Variants in BRD1 observed in about 807,000 individuals in gnomAD.
BRD1 encodes bromodomain-containing protein 1.
In BRD1, 24 loss-of-function variants were observed where a neutral mutation model predicts 107.7. That is an observed-to-expected ratio of 0.22 (90% confidence interval 0.16 to 0.31). The LOEUF is 0.31. Ranked by LOEUF, BRD1 falls within the 10% of genes least tolerant of loss-of-function variation. The pLI is 1.00. For synonymous variants in BRD1, 744 were observed against 686.1 expected (o/e 1.08, Z -1.32); for missense variants, 1,279 against 1,638.6 (o/e 0.78, Z 3.79).
rs1359822350 is a variant in BRD1 at position 49,799,095 on chromosome 22, C to G, written c.1549G>C (p.Ala517Pro). 1.2e-6 allele frequency: 2 copies of G among 1,608,932 alleles called. No individual in the cohort carries two copies. The highest frequency in any genetic ancestry group is 1.3e-5 in the African/African-American group (1 of 74,946). Residue 517 changes from alanine to proline, a missense_variant, in exon 4 of 13, where the codon GCT becomes CCT. By Grantham distance (27) the Ala-to-Pro change is conservative. This residue lies in a region of BRD1 where 406 missense variants were observed against 519.4 expected (regional missense o/e 0.78). Coordinates refer to ENST00000404760, the MANE Select transcript of BRD1 (RefSeq NM_001304808.3). ...CAGTACTTCAGCTTCTCTTTGGCAG[C>G]CTTCATCTCCTCATCATTTTCTCTC... ...QQRENDEEMK[A>P]AKEKLKYWQR...
chr22:49,813,885 G>A (rs950285981), intron 2 of BRD1, among the ~76,000 whole-genome samples: 3 of 152,010 alleles, frequency 2.0e-5, no homozygotes, highest in South Asian at 2.1e-4. Flanking sequence ...GCAGCTTTAC[G>A]GCTGCAGAGT....
rs2059690289 is a variant in BRD1, at chr22:49,803,930, CGT to C, written c.1524+272_1524+273del. On this transcript the variant is annotated intron_variant, in intron 3 of 12. Transcript: ENST00000404760. This position sits in a 1 kb window ranked among gnomAD's most constrained non-coding sequence, Gnocchi z 4.4. ...CCCAGAGCTGGCCACTGCCCATCAG[CGT>C]GTGTGCGGGCAGGGCAGGGCGGGGG... Among the ~76,000 whole-genome samples the C allele has an allele frequency of 6.6e-6, 1 of 152,226 alleles. No homozygotes were observed. The highest frequency in any genetic ancestry group is 6.5e-5 in the Admixed American group (1 of 15,286).
At position 49,773,608 on chromosome 22, in the gene BRD1, T is replaced by A. The variant is rs2059027824; in HGVS notation, c.*625A>T. 6.5e-6 allele frequency: 1 copy of A among 152,674 alleles called. No individual in the cohort carries two copies. The highest frequency in any genetic ancestry group is 2.4e-5 in the African/African-American group (1 of 41,472). 9.5% of individuals were successfully genotyped at this position (152,674 alleles called of 1,614,324 possible). ...TTATGTGCCTGTATAAAAATGCATATCAATATACCTTTGCAAATGTATTTT... is the reference window on the plus strand; with the variant it reads ...TTATGTGCCTGTATAAAAATGCATAACAATATACCTTTGCAAATGTATTTT... On this transcript the variant is annotated 3_prime_UTR_variant, in exon 13 of 13. Transcript: ENST00000404760.
At position 49,818,802 on chromosome 22, in the gene BRD1, C is replaced by T. The variant is rs998695779; in HGVS notation, c.1367+4149G>A. On this transcript the variant is annotated intron_variant, in intron 2 of 12. Transcript: ENST00000404760. ...TCAGGAGGCTGAGGCAGGAGAATGG[C>T]GTGAACCCGGGAGGTGGAGCTTGTA... is the stretch of plus-strand genomic sequence containing the variant. Among the ~76,000 whole-genome samples the T allele has an allele frequency of 8.5e-5, 13 of 152,068 alleles. 1 individual carries two copies. The highest frequency in any genetic ancestry group is 3.4e-3 in the Middle Eastern group (1 of 294).
In BRD1 at chr22:49,824,572, C is replaced by G; in HGVS notation, c.-14-241G>C. The G allele has an allele frequency of 7.5e-7, 1 of 1,341,914 alleles. No individual in the cohort carries two copies. The highest frequency in any genetic ancestry group is 9.6e-7 in the Non-Finnish European group (1 of 1,043,170). The allele number at this position is 1,341,914 out of a possible 1,614,324, so 83.1% of individuals were successfully genotyped here. A position where few individuals can be genotyped will look rare whatever the true frequency, so the allele number is the denominator to read the frequency against. On this transcript the variant is annotated intron_variant, in intron 1 of 12. Coordinates refer to ENST00000404760, the MANE Select transcript of BRD1 (RefSeq NM_001304808.3). The surrounding 1 kb of genome is among the most constrained non-coding windows in gnomAD (Gnocchi z 5.9). Reference sequence around the variant, plus strand: ...GCAGCCTGAGGAGCCCTCCTGAGCACCTGCGTCCCTACCACCACACACCAG... The same window carrying G: ...GCAGCCTGAGGAGCCCTCCTGAGCAGCTGCGTCCCTACCACCACACACCAG...
chr22:49,817,558 G>A (rs1169906522), intron 2 of BRD1: 1 of 181,266 alleles, frequency 5.5e-6, no homozygotes, highest in Admixed American at 5.3e-5. Context: ...CGGCCCAGGG[G>A]CCCTAGACTG....
At chr22:49,826,335 G>A (rs1001599618) in intron 1 of BRD1, 88 of 873,070 alleles carry the variant, frequency 1.0e-4, no homozygotes, top group African/African-American at 1.8e-5. Flanking sequence ...CCCTCAACAT[G>A]CAACTGGGAC....
chr22:49,773,330 C>T lies in BRD1; in HGVS notation c.*903G>A, dbSNP rs1295662003. On this transcript the variant is annotated 3_prime_UTR_variant, in exon 13 of 13. Transcript: ENST00000404760. ...AATATAAAAAATGCAAATTTGGAAACCCACCCTACTTTCCCCAACATAATG... is the reference window on the plus strand; with the variant it reads ...AATATAAAAAATGCAAATTTGGAAATCCACCCTACTTTCCCCAACATAATG... The T allele has an allele frequency of 6.6e-6, 1 of 152,130 alleles. No individual in the cohort carries two copies. Among genetic ancestry groups the T allele is most frequent in the East Asian group, 1.9e-4 (1 of 5,194 alleles). 9.4% of individuals were successfully genotyped at this position (152,130 alleles called of 1,614,324 possible). A position where few individuals can be genotyped will look rare whatever the true frequency, so the allele number is the denominator to read the frequency against.
At position 49,823,511 on chromosome 22, in the gene BRD1, G is replaced by A. The variant is rs746196842; in HGVS notation, c.807C>T (p.Ala269=). The A allele has an allele frequency of 1.9e-5, 30 of 1,602,586 alleles. No individual in the cohort carries two copies. Among genetic ancestry groups the A allele is most frequent in the East Asian group, 1.3e-4 (6 of 44,712 alleles). Residue 269 remains alanine, a synonymous_variant, in exon 2 of 13, where the codon GCC becomes GCT. Coordinates refer to ENST00000404760, the MANE Select transcript of BRD1 (RefSeq NM_001304808.3). Reference sequence around the variant, plus strand: ...CCTTGTTGGGGCACAGCACACAGTCGGCGGGCCGGGCCCGCGACTGCAGGC... The same window carrying A: ...CCTTGTTGGGGCACAGCACACAGTCAGCGGGCCGGGCCCGCGACTGCAGGC... ...RHCLQSRARP[A]DCVLCPNKGG...
At chr22:49,776,950 C>T in intron 10 of BRD1, 84 bp downstream of exon 10, 14 of 1,570,992 alleles carry the variant, frequency 8.9e-6, no homozygotes, top group Non-Finnish European at 1.2e-5. Context: ...GCTCCCTGAG[C>T]CGGAGTCCAG....
rs1044546572 is a variant in BRD1, at chr22:49,792,323, G to C, written c.2359+1711C>G. On this transcript the variant is annotated intron_variant, in intron 7 of 12. Coordinates refer to ENST00000404760, the MANE Select transcript of BRD1 (RefSeq NM_001304808.3). This position sits in a 1 kb window ranked among gnomAD's most constrained non-coding sequence, Gnocchi z 4.2. ...ACAGCTCAGTCCTCAGGGCACAGAAGACAAGGACAGAAGGGCAGTCCACCT... is the reference window on the plus strand; with the variant it reads ...ACAGCTCAGTCCTCAGGGCACAGAACACAAGGACAGAAGGGCAGTCCACCT... Among the ~76,000 whole-genome samples the C allele has an allele frequency of 2.6e-5, 4 of 152,374 alleles. No individual in the cohort carries two copies. Among genetic ancestry groups the C allele is most frequent in the Non-Finnish European group, 5.9e-5 (4 of 68,034 alleles).
Position 49,793,070 on chromosome 22 carries a change from G to A in BRD1, c.2359+964C>T, listed in dbSNP as rs565625189. On this transcript the variant is annotated intron_variant, in intron 7 of 12. Transcript: ENST00000404760. ...ACTTGGATGTGCAGGGGAAGGGCAAGAAGGCTGAGAACCAGCTGCCAATGT... is the reference window on the plus strand; with the variant it reads ...ACTTGGATGTGCAGGGGAAGGGCAAAAAGGCTGAGAACCAGCTGCCAATGT... Among the ~76,000 whole-genome samples the A allele has an allele frequency of 9.2e-5, 14 of 152,366 alleles. No individual in the cohort carries two copies. In the South Asian group the frequency reaches 2.7e-3, roughly 29 times the overall value.
At chr22:49,776,272 C>T in intron 10 of BRD1, 113 bp from the exon 11 acceptor site, 1 of 902,740 alleles carries the variant, frequency 1.1e-6, no homozygotes. Context: ...GCCCAGCTCC[C>T]AGGCCTTTCT....
In BRD1 at chr22:49,803,967, C is replaced by T. The variant is rs191380729; in HGVS notation, c.1524+237G>A. Among the ~76,000 whole-genome samples the T allele has an allele frequency of 4.4e-4, 67 of 152,352 alleles. No individual in the cohort carries two copies. In the East Asian group the frequency reaches 0.012, roughly 28 times the overall value. On this transcript the variant is annotated intron_variant, in intron 3 of 12. Transcript: ENST00000404760. This position sits in a 1 kb window ranked among gnomAD's most constrained non-coding sequence, Gnocchi z 4.4. ...CAGGGCAGGGCGGGGGAGCGCAACT[C>T]AAAACGGAAGAAACACCCAGTGACA... is the stretch of plus-strand genomic sequence containing the variant.
chr22:49,825,472 G>A (rs1047698496), intron 1 of BRD1, among the ~76,000 whole-genome samples: 2 of 152,164 alleles, frequency 1.3e-5, no homozygotes, highest in Admixed American at 6.5e-5. Context: ...CCAACACCAC[G>A]GACTGCGTCT....
chr22:49,802,009 AT>A (rs1321732720), intron 3 of BRD1, among the ~76,000 whole-genome samples: 1 of 152,192 alleles, frequency 6.6e-6, no homozygotes, highest in Non-Finnish European at 1.5e-5. Flanking sequence ...TTTCCATGGA[AT>A]CTGCCCTTCA....
chr22:49,797,967 T>C lies in BRD1; in HGVS notation c.1936A>G (p.Thr646Ala). Residue 646 changes from threonine to alanine, a missense_variant, in exon 6 of 13, where the codon ACC becomes GCC. Thr to Ala is a moderately conservative substitution (Grantham distance 58, BLOSUM62 0). Transcript: ENST00000404760. Reference sequence around the variant, plus strand: ...CTCACCGCGGCTCTATAGAACACGGTGTCCCTGGCATTGTACTTCATGCAG... The same window carrying C: ...CTCACCGCGGCTCTATAGAACACGGCGTCCCTGGCATTGTACTTCATGCAG... Reference protein sequence around the residue: ...DNCMKYNARDTVFYRAAVRLR... With the variant: ...DNCMKYNARDAVFYRAAVRLR... 6.2e-7 allele frequency: 1 copy of C among 1,614,234 alleles called. No homozygotes were observed. Among genetic ancestry groups the C allele is most frequent in the Non-Finnish European group, 8.5e-7 (1 of 1,180,038 alleles).
Position 49,794,398 on chromosome 22 carries a change from G to A in BRD1, c.2099-104C>T, listed in dbSNP as rs2059492339. ...ATCACCTTCGGCCAAGGCCCTGAGA[G>A]TGGCTGTTAGCAACGAGGCCCAGGC... On this transcript the variant is annotated intron_variant, in intron 6 of 12. Coordinates refer to ENST00000404760, the MANE Select transcript of BRD1 (RefSeq NM_001304808.3). 31 of 1,460,606 alleles carry A rather than the reference G, an allele frequency of 2.1e-5. No homozygotes were observed. The Middle Eastern group carries it at 5.7e-4, about 27-fold the overall frequency. The allele number at this position is 1,460,606 out of a possible 1,614,324, so 90.5% of individuals were successfully genotyped here.
chr22:49,791,784 A>G (rs2285187), intron 7 of BRD1, among the ~76,000 whole-genome samples: 51,945 of 151,246 alleles, frequency 0.34, 11,754 homozygotes, highest in African/African-American at 0.65. Flanking sequence ...CACCCGCCTC[A>G]CCTCGGAGTG....
Sources: allele counts gnomAD v4.1 joint callset (sites outside exome capture counted in the v4.1 genomes callset), GRCh38; gene constraint gnomAD v4.1.1; regional missense constraint gnomAD v4.1.1; non-coding constraint Gnocchi (gnomAD v3.1); transcripts MANE v1.5; gene names NCBI Gene and HGNC (gene_info 2026-07-23, HGNC 2026-07-21).